Variants in WIPF2 observed in about 807,000 individuals in gnomAD.
WIPF2 encodes WAS/WASL-interacting protein family member 2.
In WIPF2, 23 loss-of-function variants were observed where a neutral mutation model predicts 38.8. The observed-to-expected ratio is 0.59, with a 90% CI of 0.43 to 0.84. WIPF2 has a LOEUF of 0.84. Among genes scored for constraint, WIPF2 ranks in the 40% least tolerant of loss-of-function variants. The probability of loss-of-function intolerance (pLI) is 0.00; values close to 1 mark genes in which losing one functional copy is unlikely to be tolerated. For missense variants in WIPF2, 574 were observed against 580.5 expected (o/e 0.99, Z 0.11); for synonymous variants, 210 against 223.2 (o/e 0.94, Z 0.53).
chr17:40,226,132 A>G (rs2030472127), intron 1 of WIPF2, among the ~76,000 whole-genome samples: 1 of 150,498 alleles, frequency 6.6e-6, no homozygotes, highest in Non-Finnish European at 1.5e-5. Context: ...TTTTCCTCCC[A>G]ATAATCCCTC....
At chr17:40,277,854 G>A (rs1050188420) in intron 7 of WIPF2, among the ~76,000 whole-genome samples, 1 of 151,094 alleles carries the variant, frequency 6.6e-6, no homozygotes, top group Non-Finnish European at 1.5e-5. Context: ...AGCCTCCCAA[G>A]TATCTAGGAT....
intron 1 of WIPF2, among the ~76,000 whole-genome samples, chr17:40,250,130 C>CCGGA: frequency 6.6e-6 from 1 of 151,042 alleles, no homozygotes; most frequent in Non-Finnish European, 1.5e-5. Flanking sequence ...CCCTGCTGGA[C>CCGGA]CGGACATCAG....
chr17:40,248,094 G>A (rs1053454991), intron 1 of WIPF2, among the ~76,000 whole-genome samples: 1 of 124,152 alleles, frequency 8.1e-6, no homozygotes, highest in Non-Finnish European at 1.7e-5. Context: ...GGGGTTGGTT[G>A]TTGTATTGAA....
At chr17:40,271,195 C>G (rs947072925) in intron 5 of WIPF2, among the ~76,000 whole-genome samples, 4 of 152,134 alleles carry the variant, frequency 2.6e-5, no homozygotes, top group African/African-American at 9.7e-5. Context: ...AGGCTGATCT[C>G]GAACTCCTGG....
chr17:40,265,190 G>T, intron 5 of WIPF2, 44 bp downstream of exon 5: 1 of 1,536,636 alleles, frequency 6.5e-7, no homozygotes, highest in South Asian at 1.3e-5. Context: ...GCTGTGAGTT[G>T]ATTTTATCTT....
At chr17:40,253,387 C>T (rs1448789346) in intron 1 of WIPF2, among the ~76,000 whole-genome samples, 2 of 152,192 alleles carry the variant, frequency 1.3e-5, no homozygotes, top group African/African-American at 2.4e-5. Context: ...TTCCTACTAG[C>T]TTTCTTTGCT....
At chr17:40,264,070 C>T (rs1034983203) in intron 4 of WIPF2, among the ~76,000 whole-genome samples, 1 of 151,884 alleles carries the variant, frequency 6.6e-6, no homozygotes, top group Non-Finnish European at 1.5e-5. Flanking sequence ...TGGTGGCTCA[C>T]GCCTGTAATC....
chr17:40,253,122 G>A (rs374568119), intron 1 of WIPF2, among the ~76,000 whole-genome samples: 37 of 149,932 alleles, frequency 2.5e-4, no homozygotes, highest in African/African-American at 8.8e-4. Flanking sequence ...GAGTGCAGTG[G>A]TGTGATCTCG....
At chr17:40,226,819 G>A (rs2030511587) in intron 1 of WIPF2, among the ~76,000 whole-genome samples, 1 of 152,018 alleles carries the variant, frequency 6.6e-6, no homozygotes, top group Non-Finnish European at 1.5e-5. Flanking sequence ...TCGGCTCACT[G>A]CAGCCTCTGC....
At chr17:40,240,409 A>G (rs1278149709) in intron 1 of WIPF2, among the ~76,000 whole-genome samples, 1 of 151,014 alleles carries the variant, frequency 6.6e-6, no homozygotes, top group African/African-American at 2.4e-5. Flanking sequence ...CTACACTATC[A>G]CCCCATCTTC....
chr17:40,243,574 T>C (rs9891718), intron 1 of WIPF2, among the ~76,000 whole-genome samples: 22,075 of 151,702 alleles, frequency 0.15, 1,694 homozygotes, highest in East Asian at 0.29. Flanking sequence ...AGTGCAATGG[T>C]GCCATCTCGG....
intron 1 of WIPF2, among the ~76,000 whole-genome samples, chr17:40,238,359 A>G (rs2031059942): frequency 6.6e-6 from 1 of 152,100 alleles, no homozygotes; most frequent in African/African-American, 2.4e-5. Context: ...GCTGGAGTAC[A>G]ATGGCACGAT....
chr17:40,263,415 CCCTGTT>C (rs1304337935), intron 4 of WIPF2, among the ~76,000 whole-genome samples: 1 of 152,148 alleles, frequency 6.6e-6, no homozygotes, highest in Non-Finnish European at 1.5e-5. Context: ...CTTCTGTGTG[CCCTGTT>C]CCTAACAGGC....
At chr17:40,262,015 C>G (rs1381480792) in intron 3 of WIPF2, among the ~76,000 whole-genome samples, 1 of 151,390 alleles carries the variant, frequency 6.6e-6, no homozygotes, top group Non-Finnish European at 1.5e-5. Flanking sequence ...AACAGAGTTT[C>G]ATCCCTACAC....
chr17:40,256,424 GGA>G lies in WIPF2; in HGVS notation c.-29_-28del. ...ATGACCTAAAGGTACAAATAAAGAC[GGA>G]GAGAGAACAGTGCCAACTGGGAGCA... On this transcript the variant is annotated 5_prime_UTR_variant, in exon 2 of 8. Transcript: ENST00000323571. 1 of 1,593,576 alleles carries G rather than the reference GGA, an allele frequency of 6.3e-7. No homozygotes were observed. The highest frequency in any genetic ancestry group is 1.2e-5 in the South Asian group (1 of 86,756).
At position 40,260,674 on chromosome 17, in the gene WIPF2, C is replaced by T. The variant is rs769256151; in HGVS notation, c.196+7C>T. On this transcript the variant is annotated splice_region_variant and intron_variant, in intron 3 of 7. Transcript: ENST00000323571. ...AGTGCTCCCATCCTCGAGAGTGAGT[C>T]CGAGCTTCATTTCCTAGTGAACTGG... 1 of 1,613,498 alleles carries T rather than the reference C, an allele frequency of 6.2e-7. No individual in the cohort carries two copies. Among genetic ancestry groups the T allele is most frequent in the African/African-American group, 1.3e-5 (1 of 74,796 alleles).
At chr17:40,272,884 T>G (rs569254864) in intron 5 of WIPF2, among the ~76,000 whole-genome samples, 1 of 152,222 alleles carries the variant, frequency 6.6e-6, no homozygotes, top group East Asian at 1.9e-4. Flanking sequence ...AATAGTCTAT[T>G]CAAGTGGTAG....
At chr17:40,261,893 C>T (rs1379281176) in intron 3 of WIPF2, among the ~76,000 whole-genome samples, 1 of 148,676 alleles carries the variant, frequency 6.7e-6, no homozygotes, top group Non-Finnish European at 1.5e-5. Flanking sequence ...TCACTGTGGT[C>T]TCCATCTCCT....
chr17:40,249,417 G>A (rs1192733304), intron 1 of WIPF2, among the ~76,000 whole-genome samples: 1 of 151,954 alleles, frequency 6.6e-6, no homozygotes, highest in African/African-American at 2.4e-5. Context: ...TAGAAAAATA[G>A]GCTTTGTCTT....
Sources: allele counts gnomAD v4.1 joint callset (sites outside exome capture counted in the v4.1 genomes callset), GRCh38; gene constraint gnomAD v4.1.1; transcripts MANE v1.5; gene names NCBI Gene and HGNC (gene_info 2026-07-23, HGNC 2026-07-21).